Variants in KAT7 observed in about 807,000 individuals in gnomAD.
KAT7 encodes the protein histone acetyltransferase KAT7.
In KAT7, 10 loss-of-function variants were observed where a neutral mutation model predicts 82.1. That is an observed-to-expected ratio of 0.12 (90% CI 0.08 to 0.21). The LOEUF is 0.21. KAT7 is among the 10% of genes least tolerant of loss of function. KAT7 has a pLI of 1.00. For missense variants in KAT7, 378 were observed against 760.9 expected (o/e 0.50, Z 5.92); for synonymous variants, 250 against 262.5 (o/e 0.95, Z 0.46).
chr17:49,791,519 A>G (rs1357597775), intron 1 of KAT7, among the ~76,000 whole-genome samples: 1 of 152,126 alleles, frequency 6.6e-6, no homozygotes, highest in Non-Finnish European at 1.5e-5. Context: ...TTAGCTGGGC[A>G]TGGTGGCGGG....
At chr17:49,808,856 CAG>C (rs2074126302) in intron 5 of KAT7, among the ~76,000 whole-genome samples, 1 of 152,202 alleles carries the variant, frequency 6.6e-6, no homozygotes, top group Non-Finnish European at 1.5e-5. Flanking sequence ...AGTCCAGGCT[CAG>C]AGTCATCAGA....
chr17:49,790,300 G>A lies in KAT7; in HGVS notation c.15+1451G>A, dbSNP rs140225967. On this transcript the variant is annotated intron_variant, in intron 1 of 14. Coordinates refer to ENST00000259021, the MANE Select transcript of KAT7 (RefSeq NM_007067.5). ...CAACCTCCGCCTCCCGGGTTCAAGC[G>A]ATTCTCCTGCCTCAGTCTCTCTAGT... 8.8e-4 allele frequency among the ~76,000 whole-genome samples: 134 copies of A among 152,248 alleles called. 2 individuals carry two copies. In the East Asian group the frequency reaches 0.017, roughly 20 times the overall value.
chr17:49,808,885 G>A (rs2074126796), intron 5 of KAT7, among the ~76,000 whole-genome samples: 1 of 152,144 alleles, frequency 6.6e-6, no homozygotes. Context: ...TAAAACCTTA[G>A]TGATCCCATC....
intron 14 of KAT7, chr17:49,827,193 A>T: frequency 1.8e-6 from 1 of 552,268 alleles, no homozygotes; most frequent in Non-Finnish European, 3.2e-6. Flanking sequence ...TCGGTGAGCG[A>T]TGATTTTCAT....
rs558924737 is a variant in KAT7, at chr17:49,814,108, T to C, written c.853-1695T>C. On this transcript the variant is annotated intron_variant, in intron 7 of 14. Transcript: ENST00000259021. ...GGTTTTACCATGTTGCCCAGGCTGG[T>C]CTCAAACTCCTGACCTCAAGTGATT... 1.1e-4 allele frequency among the ~76,000 whole-genome samples: 17 copies of C among 152,296 alleles called. No homozygotes were observed. In the South Asian group the frequency reaches 3.5e-3, roughly 32 times the overall value.
chr17:49,797,066 C>CTTTT, intron 3 of KAT7, 140 bp downstream of exon 3: 2 of 510,680 alleles, frequency 3.9e-6, no homozygotes, highest in Non-Finnish European at 6.8e-6. Context: ...TTTCTTATGT[C>CTTTT]TTTTTTTTTT....
intron 6 of KAT7, among the ~76,000 whole-genome samples, chr17:49,810,874 C>G (rs2074154280): frequency 6.6e-6 from 1 of 151,974 alleles, no homozygotes; most frequent in Admixed American, 6.6e-5. Context: ...TGGTGTACAC[C>G]TGTAGTCCCA....
intron 1 of KAT7, chr17:49,789,590 G>T (rs1422098923): frequency 6.6e-6 from 1 of 152,204 alleles, no homozygotes; most frequent in Non-Finnish European, 1.5e-5. Context: ...AACTAACGGA[G>T]GCCCATGGAG....
intron 2 of KAT7, chr17:49,795,540 C>A: frequency 4.1e-6 from 1 of 243,084 alleles, no homozygotes; most frequent in South Asian, 6.5e-5. Flanking sequence ...AAAAGAAGGT[C>A]AGCACTGTGG....
chr17:49,822,749 C>T (rs992977681), intron 11 of KAT7, among the ~76,000 whole-genome samples: 2 of 152,038 alleles, frequency 1.3e-5, no homozygotes, highest in Admixed American at 6.5e-5. Flanking sequence ...ATAAATTTCC[C>T]TATTTTGGAC....
rs1256539911 is a variant in KAT7, at chr17:49,818,707, G to GAGATT, written c.1155+699_1155+703dup. Among the ~76,000 whole-genome samples, 4 of 150,620 alleles carry GAGATT rather than the reference G, an allele frequency of 2.7e-5. No homozygotes were observed. In the South Asian group the frequency reaches 6.3e-4, roughly 24 times the overall value. Reference sequence around the variant, plus strand: ...AGGGTGCGGAACAGGGGAAGGAGTAGAGATTAGCCTTTCAGGCAGAGAAGA... The same window carrying GAGATT: ...AGGGTGCGGAACAGGGGAAGGAGTAGAGATTAGATTAGCCTTTCAGGCAGAGAAGA... On this transcript the variant is annotated intron_variant, in intron 9 of 14. Coordinates refer to ENST00000259021, the MANE Select transcript of KAT7 (RefSeq NM_007067.5).
intron 11 of KAT7, 99 bp downstream of exon 11, chr17:49,821,889 T>A: frequency 9.9e-7 from 1 of 1,013,426 alleles, no homozygotes; most frequent in Non-Finnish European, 1.5e-6. Flanking sequence ...AGCTGTACTC[T>A]GGGCAATGAT....
chr17:49,802,383 T>C (rs965761249), intron 4 of KAT7, among the ~76,000 whole-genome samples: 1 of 152,188 alleles, frequency 6.6e-6, no homozygotes, highest in Non-Finnish European at 1.5e-5. Flanking sequence ...GAAGTATGGA[T>C]ATGCCTGGGT....
intron 8 of KAT7, among the ~76,000 whole-genome samples, chr17:49,817,458 A>C (rs922413632): frequency 6.6e-6 from 1 of 152,188 alleles, no homozygotes; most frequent in African/African-American, 2.4e-5. Context: ...ATGCACACAC[A>C]CTTTTAAAAA....
Position 49,798,415 on chromosome 17 carries a change from A to G in KAT7, c.437A>G (p.Asn146Ser), listed in dbSNP as rs200590185. The G allele has an allele frequency of 7.1e-5, 115 of 1,614,192 alleles. No individual in the cohort carries two copies. The highest frequency in any genetic ancestry group is 1.6e-4 in the Middle Eastern group (1 of 6,062). Residue 146 changes from asparagine (N) to serine (S), a missense_variant, in exon 4 of 15, where the codon AAT becomes AGT. Physicochemically the swap from Asn to Ser is conservative, Grantham distance 46. Coordinates refer to ENST00000259021, the MANE Select transcript of KAT7 (RefSeq NM_007067.5). ...SESDIDISSP[N>S]VSHDESIAKD... ...TCTGACATAGACATCTCCAGCCCCA[A>G]TGTATCTCACGATGAGAGCATTGCC...
chr17:49,802,104 A>G (rs73337009), intron 4 of KAT7, among the ~76,000 whole-genome samples: 5,480 of 152,306 alleles, frequency 0.036, 342 homozygotes, highest in African/African-American at 0.12. Flanking sequence ...TTTAAAAGAT[A>G]CAGAGAATTT....
chr17:49,790,240 A>C (rs2073868671), intron 1 of KAT7, among the ~76,000 whole-genome samples: 1 of 152,138 alleles, frequency 6.6e-6, no homozygotes, highest in Non-Finnish European at 1.5e-5. Context: ...CTTGTTGCCC[A>C]GGTCGGAGTG....
intron 1 of KAT7, 167 bp downstream of exon 1, chr17:49,789,016 A>G: frequency 3.7e-6 from 2 of 535,226 alleles, no homozygotes; most frequent in South Asian, 4.0e-5. Flanking sequence ...TGTGGGCCCG[A>G]CCCTGGCCTC....
chr17:49,817,734 TG>T, intron 8 of KAT7, 85 bp from the exon 9 acceptor site: 1 of 1,078,436 alleles, frequency 9.3e-7, no homozygotes. Context: ...CCCAAAGTGT[TG>T]GGATTACAGG....
Sources: allele counts gnomAD v4.1 joint callset (sites outside exome capture counted in the v4.1 genomes callset), GRCh38; gene constraint gnomAD v4.1.1; transcripts MANE v1.5; gene names NCBI Gene and HGNC (gene_info 2026-07-23, HGNC 2026-07-21).